The following SDK1 variants were observed in gnomAD, a reference collection of about 807,000 sequenced individuals.
SDK1 encodes protein sidekick-1.
In SDK1, 157 loss-of-function variants were observed where a neutral mutation model predicts 245.5. The ratio of observed to expected loss-of-function variants is 0.64; its 90% CI spans 0.56 to 0.73. The LOEUF is 0.73. Ranked by LOEUF, SDK1 falls within the 30% of genes least tolerant of loss-of-function variation. The probability of loss-of-function intolerance (pLI) is 0.00; values close to 1 mark genes in which losing one functional copy is unlikely to be tolerated. For missense variants in SDK1, 3,583 were observed against 3,002.3 expected (o/e 1.19, Z -4.52); for synonymous variants, 1,647 against 1,278.5 (o/e 1.29, Z -6.15).
At chr7:3,952,751 C>G (rs1025248734) in intron 7 of SDK1, among the ~76,000 whole-genome samples, 6 of 151,198 alleles carry the variant, frequency 4.0e-5, no homozygotes, top group Non-Finnish European at 8.8e-5. Context: ...TATTCCTGAA[C>G]CAAGGAGAAA....
At chr7:3,934,737 G>T (rs1176146525) in intron 5 of SDK1, among the ~76,000 whole-genome samples, 2 of 152,204 alleles carry the variant, frequency 1.3e-5, no homozygotes, top group Non-Finnish European at 2.9e-5. Context: ...ATGGGCTCTT[G>T]TCCTACTTTC....
Position 3,969,243 on chromosome 7 carries a change from C to G in SDK1, c.1547-14C>G, listed in dbSNP as rs775750199. 2 of 1,580,386 alleles carry G rather than the reference C, an allele frequency of 1.3e-6. No homozygotes were observed. Among genetic ancestry groups the G allele is most frequent in the Admixed American group, 3.6e-5 (2 of 56,322 alleles). ...TACGACTGTAACATGCCTCTTTTCT[C>G]CACTGTTCTTTAGAAAACCACATTC... On this transcript the variant is annotated splice_polypyrimidine_tract_variant and intron_variant, in intron 10 of 44. Coordinates refer to ENST00000404826, the MANE Select transcript of SDK1 (RefSeq NM_152744.4).
intron 5 of SDK1, among the ~76,000 whole-genome samples, chr7:3,926,609 G>A (rs981801349): frequency 1.3e-5 from 2 of 152,082 alleles, no homozygotes; most frequent in African/African-American, 4.8e-5. Context: ...GAACTCCTGG[G>A]CTCAAGCTGT....
chr7:4,072,613 A>C (rs1356443144), intron 20 of SDK1, among the ~76,000 whole-genome samples: 2 of 152,226 alleles, frequency 1.3e-5, no homozygotes. Flanking sequence ...TGAGAAGAGC[A>C]AAAGAAAAAC....
At chr7:3,932,459 C>T (rs1230378938) in intron 5 of SDK1, among the ~76,000 whole-genome samples, 4 of 152,168 alleles carry the variant, frequency 2.6e-5, no homozygotes, top group African/African-American at 9.7e-5. Context: ...AATAGATAAC[C>T]TTGGGTCATA....
intron 4 of SDK1, among the ~76,000 whole-genome samples, chr7:3,742,377 T>G (rs1264257674): frequency 6.6e-6 from 1 of 152,136 alleles, no homozygotes; most frequent in African/African-American, 2.4e-5. Flanking sequence ...TGTGAACGTG[T>G]TCCTCCCAGC....
chr7:3,390,086 T>C (rs530998779), intron 1 of SDK1, among the ~76,000 whole-genome samples: 4 of 152,268 alleles, frequency 2.6e-5, no homozygotes, highest in South Asian at 2.1e-4. Flanking sequence ...AGTGATGAAG[T>C]TGGCTATTTA....
chr7:4,144,379 G>A (rs970558250), intron 28 of SDK1, among the ~76,000 whole-genome samples: 2 of 151,396 alleles, frequency 1.3e-5, no homozygotes, highest in Non-Finnish European at 2.9e-5. Context: ...TCAGGGTCCT[G>A]CAGACACCTG....
intron 4 of SDK1, among the ~76,000 whole-genome samples, chr7:3,676,585 A>G (rs1227501110): frequency 1.3e-5 from 2 of 152,138 alleles, no homozygotes; most frequent in South Asian, 2.1e-4. Context: ...TTGGCCTCCC[A>G]AAGTGCTGGG....
intron 4 of SDK1, among the ~76,000 whole-genome samples, chr7:3,697,654 C>G (rs1457326855): frequency 6.6e-6 from 1 of 152,140 alleles, no homozygotes; most frequent in Admixed American, 6.5e-5. Flanking sequence ...GCAAAAAGTA[C>G]TTGGTTTTAC....
chr7:3,315,621 A>G (rs1562408196), intron 1 of SDK1, among the ~76,000 whole-genome samples: 1 of 152,210 alleles, frequency 6.6e-6, no homozygotes, highest in Non-Finnish European at 1.5e-5. Flanking sequence ...CAGCCTACTT[A>G]ATGTGCTTAT....
chr7:3,843,625 T>G (rs1385212597), intron 5 of SDK1, among the ~76,000 whole-genome samples: 1 of 152,216 alleles, frequency 6.6e-6, no homozygotes, highest in Non-Finnish European at 1.5e-5. Context: ...AATATTATTG[T>G]GGGCACTCAG....
chr7:3,938,911 T>C (rs1270651864), intron 5 of SDK1, among the ~76,000 whole-genome samples: 3 of 152,216 alleles, frequency 2.0e-5, no homozygotes, highest in African/African-American at 4.8e-5. Context: ...CTTCCATTCA[T>C]TTCCAAATGT....
chr7:3,434,990 T>C (rs1779976390), intron 1 of SDK1, among the ~76,000 whole-genome samples: 1 of 152,188 alleles, frequency 6.6e-6, no homozygotes. Context: ...TGAATACTTT[T>C]CCTAACTGTC....
In SDK1 at chr7:3,614,500, C is replaced by A. The variant is rs1047957273; in HGVS notation, c.299-4580C>A. 1.1e-4 allele frequency among the ~76,000 whole-genome samples: 17 copies of A among 152,272 alleles called. No individual in the cohort carries two copies. In the East Asian group the frequency reaches 3.3e-3, roughly 29 times the overall value. On this transcript the variant is annotated intron_variant, in intron 1 of 44. Coordinates refer to ENST00000404826, the MANE Select transcript of SDK1 (RefSeq NM_152744.4). ...ACCTTAGAGGCAACTCAATCATTTT[C>A]TTTATGAATCATTTCAGGATGTTCT...
chr7:3,671,022 A>G (rs1484285532), intron 4 of SDK1, among the ~76,000 whole-genome samples: 1 of 152,188 alleles, frequency 6.6e-6, no homozygotes, highest in Non-Finnish European at 1.5e-5. Context: ...AGTTCATTGC[A>G]TAACTAGTTC....
intron 4 of SDK1, among the ~76,000 whole-genome samples, chr7:3,668,074 A>T (rs2128661742): frequency 6.6e-6 from 1 of 152,304 alleles, no homozygotes; most frequent in African/African-American, 2.4e-5. Context: ...TACCTAACAA[A>T]ACTATCATTT....
Position 4,268,549 on chromosome 7 carries a change from G to C in SDK1, c.*3165G>C. The C allele has an allele frequency of 7.7e-7, 1 of 1,291,568 alleles. No homozygotes were observed. The highest frequency in any genetic ancestry group is 1.0e-6 in the Non-Finnish European group (1 of 981,644). 80.0% of individuals were successfully genotyped at this position (1,291,568 alleles called of 1,614,324 possible). A position where few individuals can be genotyped will look rare whatever the true frequency, so the allele number is the denominator to read the frequency against. ...ACACGGAACGCGCCTCCACAGCCCC[G>C]GGAGGTGGCTCACTCTGTACAGGTC... On this transcript the variant is annotated 3_prime_UTR_variant, in exon 45 of 45. Transcript: ENST00000404826.
chr7:4,072,832 G>A (rs993640383), intron 20 of SDK1, among the ~76,000 whole-genome samples: 1 of 152,188 alleles, frequency 6.6e-6, no homozygotes, highest in African/African-American at 2.4e-5. Context: ...GGTCTGTGGT[G>A]AGCACCCCCA....
Sources: allele counts gnomAD v4.1 joint callset (sites outside exome capture counted in the v4.1 genomes callset), GRCh38; gene constraint gnomAD v4.1.1; transcripts MANE v1.5; gene names NCBI Gene and HGNC (gene_info 2026-07-23, HGNC 2026-07-21).